CASR: variants seen among roughly 807,000 people sequenced by gnomAD.
CASR encodes extracellular calcium-sensing receptor.
A neutral mutation model predicts 69.1 loss-of-function variants in CASR; 23 were observed. That is an observed-to-expected ratio of 0.33 (90% CI 0.24 to 0.47). CASR has a LOEUF of 0.47. Among genes scored for constraint, CASR ranks in the 20% least tolerant of loss-of-function variants. The probability of loss-of-function intolerance (pLI) is 1.00; values close to 1 mark genes in which losing one functional copy is unlikely to be tolerated. For synonymous variants in CASR, 541 were observed against 544.7 expected (o/e 0.99, Z 0.10); for missense variants, 924 against 1,356.1 (o/e 0.68, Z 5.00).
At chr3:122,273,308 A>G (rs573192455) in intron 4 of CASR, among the ~76,000 whole-genome samples, 1 of 152,338 alleles carries the variant, frequency 6.6e-6, no homozygotes, top group Admixed American at 6.5e-5. Flanking sequence ...TAGTGGCTAT[A>G]TGACTTTTGC....
intron 5 of CASR, among the ~76,000 whole-genome samples, chr3:122,280,045 G>T (rs1364241438): frequency 6.6e-6 from 1 of 152,028 alleles, no homozygotes; most frequent in Non-Finnish European, 1.5e-5. Context: ...TGGGAACATG[G>T]GGTGTTTGGT....
At chr3:122,200,970 G>A (rs887766270) in intron 1 of CASR, among the ~76,000 whole-genome samples, 2 of 144,672 alleles carry the variant, frequency 1.4e-5, no homozygotes, top group Non-Finnish European at 3.0e-5. Context: ...TAATGCTTGT[G>A]AATATCTTTT....
chr3:122,252,468 GAAA>G (rs1559954477), intron 1 of CASR, among the ~76,000 whole-genome samples: 1 of 88,548 alleles, frequency 1.1e-5, no homozygotes, highest in Non-Finnish European at 2.2e-5. Context: ...AGAAAGAAAA[GAAA>G]AGAAGGGAGG....
rs1474434486 is a variant in CASR at position 122,284,129 on chromosome 3, C to T, written c.2175C>T (p.Phe725=). The change falls in exon 7 of 7, where the codon TTC becomes TTT. Residue 725 remains phenylalanine (F), a synonymous_variant. Transcript: ENST00000639785. ...AGTGGTGGGGGCTCAACCTGCAGTT[C>T]CTGCTGGTTTTCCTCTGCACCTTCA... The part of the protein sequence containing the change: ...HRKWWGLNLQ[F]LLVFLCTFMQ... The T allele has an allele frequency of 1.2e-6, 2 of 1,613,610 alleles. No individual in the cohort carries two copies. The highest frequency in any genetic ancestry group is 1.3e-5 in the African/African-American group (1 of 74,924).
At chr3:122,220,303 A>G (rs1256760157) in intron 1 of CASR, among the ~76,000 whole-genome samples, 9 of 152,222 alleles carry the variant, frequency 5.9e-5, no homozygotes, top group Admixed American at 4.6e-4. Context: ...TCCCCAGCCA[A>G]TGCTGATTTC....
Position 122,261,889 on chromosome 3 carries a change from G to T in CASR, c.854G>T (p.Arg285Leu). Residue 285 changes from arginine (R) to leucine (L), a missense_variant, in exon 4 of 7, where the codon CGG (arginine) becomes CTG (leucine). By Grantham distance (102) the Arg-to-Leu change is moderately radical. Coordinates refer to ENST00000639785, the MANE Select transcript of CASR (RefSeq NM_000388.4). ...GAGCCCCTCATCAAGGAGATTGTCC[G>T]GCGCAATATCACGGGCAAGATCTGG... ...DLEPLIKEIV[R>L]RNITGKIWLA... 1 of 1,614,198 alleles carries T rather than the reference G, an allele frequency of 6.2e-7. No individual in the cohort carries two copies. The highest frequency in any genetic ancestry group is 1.1e-5 in the South Asian group (1 of 91,086).
At chr3:122,231,812 T>C (rs936077791) in intron 1 of CASR, among the ~76,000 whole-genome samples, 4 of 152,114 alleles carry the variant, frequency 2.6e-5, no homozygotes, top group African/African-American at 7.2e-5. Context: ...ATAGCCTTTT[T>C]CACACTAAAC....
rs912921534 is a variant in CASR, at chr3:122,185,958, G to A, written c.-243+2146G>A. 1.2e-4 allele frequency among the ~76,000 whole-genome samples: 17 copies of A among 143,026 alleles called. No individual in the cohort carries two copies. The Admixed American group carries it at 1.2e-3, about 10-fold the overall frequency. The allele number at this position is 143,026 out of a possible 152,430, so 93.8% of individuals were successfully genotyped here. Reference sequence around the variant, plus strand: ...GGAACAGTCTCCATATAATTTCTAAGAGACCACACATGCGAGTTACTTCCT... The same window carrying A: ...GGAACAGTCTCCATATAATTTCTAAAAGACCACACATGCGAGTTACTTCCT... On this transcript the variant is annotated intron_variant, in intron 1 of 6. Transcript: ENST00000639785.
At chr3:122,254,882 T>G (rs867420352) in intron 2 of CASR, among the ~76,000 whole-genome samples, 1 of 152,026 alleles carries the variant, frequency 6.6e-6, no homozygotes, top group Non-Finnish European at 1.5e-5. Flanking sequence ...AACTGTAAAA[T>G]GTAGTCCATA....
intron 1 of CASR, among the ~76,000 whole-genome samples, chr3:122,187,965 T>C (rs6803623): frequency 0.61 from 92,910 of 152,016 alleles, 28,768 homozygotes; most frequent in Admixed American, 0.74. Flanking sequence ...TAATTAATGG[T>C]AATAAAGGTA....
intron 1 of CASR, chr3:122,247,658 A>T (rs2074440862): frequency 6.6e-6 from 1 of 152,254 alleles, no homozygotes; most frequent in East Asian, 1.9e-4. Context: ...GGCAGTACAC[A>T]CAAGTATGCA....
At chr3:122,230,065 T>C (rs1434727044) in intron 1 of CASR, among the ~76,000 whole-genome samples, 1 of 152,254 alleles carries the variant, frequency 6.6e-6, no homozygotes, top group African/African-American at 2.4e-5. Context: ...AGATGCCTTC[T>C]TGGCCCCGGC....
intron 4 of CASR, among the ~76,000 whole-genome samples, chr3:122,269,261 T>C (rs574704700): frequency 6.6e-6 from 1 of 152,248 alleles, no homozygotes; most frequent in Admixed American, 6.5e-5. Flanking sequence ...CCCAGTATAA[T>C]CTTGTATAGA....
At chr3:122,191,528 T>C (rs911810211) in intron 1 of CASR, among the ~76,000 whole-genome samples, 2 of 151,800 alleles carry the variant, frequency 1.3e-5, no homozygotes, top group African/African-American at 4.8e-5. Flanking sequence ...CCCAGGCTGG[T>C]CATGAACTCC....
At chr3:122,281,334 T>C (rs1470795801) in intron 5 of CASR, among the ~76,000 whole-genome samples, 1 of 152,272 alleles carries the variant, frequency 6.6e-6, no homozygotes, top group Non-Finnish European at 1.5e-5. Context: ...CATCTGCAAA[T>C]AACTACAGTT....
At chr3:122,220,950 G>A (rs1201515696) in intron 1 of CASR, among the ~76,000 whole-genome samples, 1 of 150,566 alleles carries the variant, frequency 6.6e-6, no homozygotes, top group Admixed American at 6.6e-5. Context: ...CTCCAGCCTG[G>A]GCGACAGAGA....
chr3:122,188,801 A>T (rs2107578513), intron 1 of CASR, among the ~76,000 whole-genome samples: 1 of 152,270 alleles, frequency 6.6e-6, no homozygotes, highest in East Asian at 1.9e-4. Flanking sequence ...TCTCATATAC[A>T]ATAAGCACTA....
In CASR at chr3:122,183,828, C is replaced by G. The variant is rs1382205700; in HGVS notation, c.-243+16C>G. ...TGCAGAATGAGTAAGAGTTTGGGCA[C>G]GCGATTTGTATTTATTTTACTGTGA... On this transcript the variant is annotated intron_variant, in intron 1 of 6. Coordinates refer to ENST00000639785, the MANE Select transcript of CASR (RefSeq NM_000388.4). The G allele has an allele frequency of 6.6e-6, 1 of 152,012 alleles. No individual in the cohort carries two copies. Among genetic ancestry groups the G allele is most frequent in the African/African-American group, 2.4e-5 (1 of 41,354 alleles). 9.4% of individuals were successfully genotyped at this position (152,012 alleles called of 1,614,324 possible).
intron 1 of CASR, among the ~76,000 whole-genome samples, chr3:122,212,743 G>A (rs1012316332): frequency 5.9e-5 from 9 of 151,626 alleles, no homozygotes; most frequent in Admixed American, 1.3e-4. Flanking sequence ...CCAAGTTCAA[G>A]CAATTCTCCT....
Sources: allele counts gnomAD v4.1 joint callset (sites outside exome capture counted in the v4.1 genomes callset), GRCh38; gene constraint gnomAD v4.1.1; transcripts MANE v1.5; gene names NCBI Gene and HGNC (gene_info 2026-07-23, HGNC 2026-07-21).